The following SPATA22 variants were observed in gnomAD, a reference collection of about 807,000 sequenced individuals.
The protein encoded by SPATA22 is spermatogenesis-associated protein 22.
SPATA22 carries 29 observed loss-of-function variants against 47.8 expected under a neutral mutation model. The observed-to-expected ratio is 0.61, with a 90% CI of 0.45 to 0.83. The LOEUF (loss-of-function observed/expected upper bound fraction) is 0.83, where lower values mean the gene tolerates loss of function less well. Among genes scored for constraint, SPATA22 ranks in the 40% least tolerant of loss-of-function variants. The pLI is 0.00. For missense variants in SPATA22, 410 were observed against 421.7 expected (o/e 0.97, Z 0.24); for synonymous variants, 133 against 140.9 (o/e 0.94, Z 0.40).
At chr17:3,469,508 A>G (rs1405843585) in intron 1 of SPATA22, 110 bp from the exon 2 acceptor site, 6 of 547,530 alleles carry the variant, frequency 1.1e-5, no homozygotes, top group South Asian at 2.9e-5. Context: ...CTGATCACGT[A>G]AACACTTTAG....
intron 5 of SPATA22, among the ~76,000 whole-genome samples, chr17:3,453,026 T>G (rs889410088): frequency 4.6e-5 from 7 of 152,262 alleles, no homozygotes; most frequent in African/African-American, 1.4e-4. Flanking sequence ...AAATTCATTT[T>G]ATGAGACTAG....
intron 3 of SPATA22, among the ~76,000 whole-genome samples, chr17:3,466,412 A>T (rs2073316039): frequency 6.6e-6 from 1 of 152,082 alleles, no homozygotes; most frequent in Admixed American, 6.6e-5. Context: ...ACTGGTTCAG[A>T]GGTAAGAGGC....
intron 5 of SPATA22, among the ~76,000 whole-genome samples, chr17:3,460,297 A>G (rs1471167194): frequency 6.6e-6 from 1 of 152,212 alleles, no homozygotes; most frequent in Non-Finnish European, 1.5e-5. Context: ...TTTTCTGTTC[A>G]AAAATAAATT....
chr17:3,456,567 A>G (rs966217353), intron 5 of SPATA22, among the ~76,000 whole-genome samples: 41 of 152,302 alleles, frequency 2.7e-4, no homozygotes, highest in South Asian at 1.0e-3. Context: ...TAGCTTACCA[A>G]TGAAAAAGAG....
chr17:3,509,974 G>C (rs927928634), intron 1 of SPATA22, among the ~76,000 whole-genome samples: 1 of 152,188 alleles, frequency 6.6e-6, no homozygotes, highest in Non-Finnish European at 1.5e-5. Context: ...CTTTTGAGAA[G>C]TGTCTGTTCA....
intron 1 of SPATA22, chr17:3,489,281 C>A: frequency 1.9e-6 from 3 of 1,613,166 alleles, no homozygotes; most frequent in Non-Finnish European, 2.5e-6. Context: ...GAGCTGATAT[C>A]TTGGATCAAA....
intron 1 of SPATA22, chr17:3,501,613 GT>G (rs945940818): frequency 6.0e-6 from 1 of 166,372 alleles, no homozygotes; most frequent in Non-Finnish European, 1.3e-5. Flanking sequence ...CGTAAACATA[GT>G]TGATAAAGCA....
intron 1 of SPATA22, chr17:3,511,676 C>T (rs530466774): frequency 1.1e-4 from 16 of 152,376 alleles, no homozygotes; most frequent in African/African-American, 2.9e-4. Flanking sequence ...ATCACCAAAA[C>T]ATGTGAGATG....
chr17:3,450,412 A>G (rs922108320), intron 5 of SPATA22, among the ~76,000 whole-genome samples: 1 of 152,228 alleles, frequency 6.6e-6, no homozygotes, highest in Non-Finnish European at 1.5e-5. Flanking sequence ...CACCACAAAC[A>G]TCACGATACC....
At chr17:3,465,209 C>A in intron 3 of SPATA22, among the ~76,000 whole-genome samples, 1 of 128,650 alleles carries the variant, frequency 7.8e-6, no homozygotes, top group Non-Finnish European at 1.7e-5. Flanking sequence ...TGAGGGGCGC[C>A]TCTGCCCGGC....
chr17:3,460,070 A>G (rs755979146), intron 5 of SPATA22, among the ~76,000 whole-genome samples: 1 of 152,250 alleles, frequency 6.6e-6, no homozygotes, highest in Non-Finnish European at 1.5e-5. Context: ...AGTATTCCAC[A>G]CACAAGCACG....
chr17:3,494,759 T>C (rs776006550), intron 1 of SPATA22, among the ~76,000 whole-genome samples: 1 of 152,148 alleles, frequency 6.6e-6, no homozygotes, highest in Non-Finnish European at 1.5e-5. Flanking sequence ...GATGACAGAA[T>C]AATGAGATGG....
At chr17:3,486,807 A>C (rs756365591) in intron 1 of SPATA22, among the ~76,000 whole-genome samples, 2 of 152,234 alleles carry the variant, frequency 1.3e-5, no homozygotes, top group Non-Finnish European at 2.9e-5. Flanking sequence ...GCATAATAAA[A>C]GGATCTTTAT....
intron 1 of SPATA22, among the ~76,000 whole-genome samples, chr17:3,480,825 G>T (rs1331346308): frequency 6.6e-6 from 1 of 152,240 alleles, no homozygotes; most frequent in African/African-American, 2.4e-5. Flanking sequence ...AACAAGGATA[G>T]CTTGGAGATT....
rs1013183608 is a variant in SPATA22 at position 3,444,894 on chromosome 17, C to A, written c.802+1578G>T. 2.6e-5 allele frequency among the ~76,000 whole-genome samples: 4 copies of A among 151,948 alleles called. No homozygotes were observed. The South Asian group carries it at 8.3e-4, about 31-fold the overall frequency. ...GCCTAGGAACTCAGGATTATTATAG[C>A]ACTATGAAAGCTAACCATCACATAT... is the stretch of plus-strand genomic sequence containing the variant. On this transcript the variant is annotated intron_variant, in intron 7 of 8. Transcript: ENST00000572969.
intron 3 of SPATA22, among the ~76,000 whole-genome samples, chr17:3,465,651 G>C (rs941925038): frequency 1.3e-5 from 2 of 150,758 alleles, no homozygotes; most frequent in Non-Finnish European, 3.0e-5. Flanking sequence ...GCGGAAGGCC[G>C]CAGGGTCCTC....
Position 3,499,126 on chromosome 17 carries a change from A to G in SPATA22, c.-74+14286T>C, listed in dbSNP as rs1031834384. 9 of 1,593,230 alleles carry G rather than the reference A, an allele frequency of 5.6e-6. No homozygotes were observed. In the African/African-American group the frequency reaches 1.1e-4, roughly 19 times the overall value. On this transcript the variant is annotated intron_variant, in intron 1 of 8. Transcript: ENST00000541913. ...GCTTACATCTTACACGGTGTCTTAC[A>G]AATTCTGCTAGTCTGTAAGCTCCTT...
chr17:3,505,781 G>A (rs1178461306), intron 1 of SPATA22, among the ~76,000 whole-genome samples: 10 of 144,728 alleles, frequency 6.9e-5, no homozygotes, highest in Admixed American at 4.3e-4. Context: ...TTTTTGAGAC[G>A]GAGTCTCACT....
chr17:3,473,611 G>A (rs1044636755), upstream of SPATA22, among the ~76,000 whole-genome samples: 1 of 152,180 alleles, frequency 6.6e-6, no homozygotes, highest in Non-Finnish European at 1.5e-5. Context: ...TGATTCTCCT[G>A]CCTCAGCCTC....
Sources: gnomAD v4.1 joint callset for allele counts (sites outside exome capture counted in the v4.1 genomes callset) on GRCh38, gnomAD v4.1.1 for gene constraint, MANE v1.5 for transcripts, NCBI Gene and HGNC (gene_info 2026-07-23, HGNC 2026-07-21) for gene names.